Variants in DAG1 observed in about 807,000 individuals in gnomAD.
DAG1 encodes the protein dystroglycan 1 (dystrophin-associated glycoprotein 1).
Under a neutral mutation model 46.1 loss-of-function variants are expected in DAG1, and 8 were observed. That is an observed-to-expected ratio of 0.17 (90% CI 0.10 to 0.31). DAG1 has a LOEUF of 0.31. DAG1 is among the 10% of genes least tolerant of loss of function. The pLI is 1.00. For synonymous variants in DAG1, 495 were observed against 481.8 expected (o/e 1.03, Z -0.36); for missense variants, 1,003 against 1,189.9 (o/e 0.84, Z 2.31).
At chr3:49,486,519 T>A (rs2050031791) in intron 1 of DAG1, among the ~76,000 whole-genome samples, 1 of 150,030 alleles carries the variant, frequency 6.7e-6, no homozygotes, top group South Asian at 2.1e-4. Flanking sequence ...CGCCCGGCCC[T>A]TTTTCTTTTT....
intron 1 of DAG1, chr3:49,510,218 A>G (rs2050724846): frequency 2.0e-6 from 1 of 507,750 alleles, no homozygotes; most frequent in African/African-American, 1.9e-5. Flanking sequence ...AATCCAGTGT[A>G]TATTTTATAT....
Position 49,531,884 on chromosome 3 carries a change from C to G in DAG1, c.1373C>G (p.Pro458Arg). 6.2e-7 allele frequency: 1 copy of G among 1,614,164 alleles called. No homozygotes were observed. The highest frequency in any genetic ancestry group is 8.5e-7 in the Non-Finnish European group (1 of 1,180,036). The change falls in exon 3 of 3, where the codon CCA becomes CGA. Residue 458 changes from proline to arginine, a missense_variant. Around this residue, in one of 3 missense-constraint regions of DAG1, gnomAD observed 755 missense variants for 854.1 expected, o/e 0.88. Coordinates refer to ENST00000308775, the MANE Select transcript of DAG1 (RefSeq NM_004393.6). This position sits in a 1 kb window ranked among gnomAD's most constrained non-coding sequence, Gnocchi z 7.0. ...ACCAAGAAACCACGGACACCCCGGC[C>G]AGTGCCCCGGGTCACCACCAAAGTT... is the stretch of plus-strand genomic sequence containing the variant. Reference protein sequence around the residue: ...RPTKKPRTPRPVPRVTTKVSI... With the variant: ...RPTKKPRTPRRVPRVTTKVSI...
At chr3:49,471,538 GT>G (rs11456203) in intron 1 of DAG1, among the ~76,000 whole-genome samples, 9 of 151,840 alleles carry the variant, frequency 5.9e-5, no homozygotes, top group Admixed American at 4.6e-4. Flanking sequence ...ACTTTTGTGG[GT>G]TTTTTTTGCT....
intron 2 of DAG1, among the ~76,000 whole-genome samples, chr3:49,517,783 C>T (rs1019683328): frequency 1.3e-5 from 2 of 152,208 alleles, no homozygotes; most frequent in Non-Finnish European, 1.5e-5. Flanking sequence ...AGATACTTGG[C>T]ATAGGACCTG....
At position 49,532,578 on chromosome 3, in the gene DAG1, G is replaced by C. The variant is rs1252402295; in HGVS notation, c.2067G>C (p.Arg689=). ...TCGCTGAGGATGATGGAAAACCTCG[G>C]CCTGCCTTCTCCAACGCCCTAGAGC... ...RRIAEDDGKP[R]PAFSNALEPD... is the part of the protein sequence containing the mutation. The change falls in exon 3 of 3, where the codon CGG becomes CGC. Residue 689 remains arginine (R), a synonymous_variant. Coordinates refer to ENST00000308775, the MANE Select transcript of DAG1 (RefSeq NM_004393.6). This position sits in a 1 kb window ranked among gnomAD's most constrained non-coding sequence, Gnocchi z 5.4. 1 of 1,612,384 alleles carries C rather than the reference G, an allele frequency of 6.2e-7. No homozygotes were observed. The highest frequency in any genetic ancestry group is 1.1e-5 in the South Asian group (1 of 91,058).
At chr3:49,512,254 G>A (rs2050779971) in intron 2 of DAG1, among the ~76,000 whole-genome samples, 3 of 152,110 alleles carry the variant, frequency 2.0e-5, no homozygotes, top group South Asian at 4.2e-4. Context: ...CCAGGCTGGA[G>A]TGCAATGGCA....
rs141697036 is a variant in DAG1, at chr3:49,532,611, T to A, written c.2100T>A (p.Phe700Leu). Residue 700 changes from phenylalanine (F) to leucine (L), a missense_variant, in exon 3 of 3, where the codon TTT (phenylalanine) becomes TTA (leucine). By Grantham distance (22) the Phe-to-Leu change is conservative. Transcript: ENST00000308775. The surrounding 1 kb of genome is among the most constrained non-coding windows in gnomAD (Gnocchi z 5.4). ...PAFSNALEPD[F>L]KATSITVTGS... ...TCTCCAACGCCCTAGAGCCTGACTT[T>A]AAGGCCACAAGCATCACTGTGACGG... The A allele has an allele frequency of 1.2e-6, 2 of 1,612,904 alleles. No homozygotes were observed. The highest frequency in any genetic ancestry group is 2.7e-5 in the African/African-American group (2 of 74,884).
intron 1 of DAG1, among the ~76,000 whole-genome samples, chr3:49,484,122 CTT>C (rs1376381108): frequency 4.6e-5 from 7 of 152,172 alleles, no homozygotes; most frequent in African/African-American, 9.6e-5. Context: ...GTCTGACTCT[CTT>C]CTGCTTTGGG....
intron 2 of DAG1, among the ~76,000 whole-genome samples, chr3:49,515,521 G>T (rs1437100196): frequency 6.6e-6 from 1 of 151,700 alleles, no homozygotes; most frequent in African/African-American, 2.4e-5. Context: ...AAGTAACTGG[G>T]ACTATAGGTG....
At chr3:49,508,274 T>C (rs2050662936) in intron 1 of DAG1, among the ~76,000 whole-genome samples, 1 of 150,754 alleles carries the variant, frequency 6.6e-6, no homozygotes, top group Non-Finnish European at 1.5e-5. Flanking sequence ...CATTCTCAGC[T>C]CACTTCAGCC....
At chr3:49,509,472 TC>T (rs1325100464) in intron 1 of DAG1, among the ~76,000 whole-genome samples, 1 of 152,136 alleles carries the variant, frequency 6.6e-6, no homozygotes, top group Non-Finnish European at 1.5e-5. Context: ...TGTCTCTAAA[TC>T]GAGAACAGTC....
intron 1 of DAG1, among the ~76,000 whole-genome samples, chr3:49,507,617 C>T: frequency 6.6e-6 from 1 of 151,598 alleles, no homozygotes; most frequent in South Asian, 2.1e-4. Flanking sequence ...TAATATTTTT[C>T]TTTTCTTTTT....
chr3:49,502,267 A>G (rs963995792), intron 1 of DAG1, among the ~76,000 whole-genome samples: 1 of 152,254 alleles, frequency 6.6e-6, no homozygotes, highest in South Asian at 2.1e-4. Context: ...CTGGTTGTTG[A>G]GAAGGAGTTC....
At chr3:49,521,520 C>T (rs575001503) in intron 2 of DAG1, among the ~76,000 whole-genome samples, 3 of 152,200 alleles carry the variant, frequency 2.0e-5, no homozygotes, top group Non-Finnish European at 2.9e-5. Flanking sequence ...GGTGCGGTGG[C>T]GCAATCATAG....
chr3:49,488,395 T>G (rs1271767347), intron 1 of DAG1, among the ~76,000 whole-genome samples: 1 of 152,228 alleles, frequency 6.6e-6, no homozygotes, highest in Admixed American at 6.5e-5. Flanking sequence ...ACATATCCTT[T>G]GACCCAGCAA....
chr3:49,531,723 G>C lies in DAG1; in HGVS notation c.1212G>C (p.Thr404=), dbSNP rs139781017. The C allele has an allele frequency of 6.2e-7, 1 of 1,613,960 alleles. No homozygotes were observed. The highest frequency in any genetic ancestry group is 8.5e-7 in the Non-Finnish European group (1 of 1,179,968). Residue 404 remains threonine, a synonymous_variant, in exon 3 of 3, where the codon ACG becomes ACC. Transcript: ENST00000308775. This position sits in a 1 kb window ranked among gnomAD's most constrained non-coding sequence, Gnocchi z 7.0. ...CAGTTCCTGGCCAGATTCGCCCAAC[G>C]ATGACCATTCCTGGCTATGTGGAGC... The part of the protein sequence containing the change: ...GTTVPGQIRP[T]MTIPGYVEPT...
In DAG1 at chr3:49,534,351, C is replaced by T. The variant is rs2051452105; in HGVS notation, c.*1152C>T. On this transcript the variant is annotated 3_prime_UTR_variant, in exon 3 of 3. Coordinates refer to ENST00000308775, the MANE Select transcript of DAG1 (RefSeq NM_004393.6). The stretch of plus-strand genomic sequence containing the variant: ...ACAGTCCTGCCCCGACCCACCCCAT[C>T]CCTTTTCTCTGGCACTCCAGTCCCA... 6.6e-6 allele frequency: 1 copy of T among 152,590 alleles called. No homozygotes were observed. Among genetic ancestry groups the T allele is most frequent in the African/African-American group, 2.4e-5 (1 of 41,450 alleles). The allele number at this position is 152,590 out of a possible 1,614,324, so 9.5% of individuals were successfully genotyped here. A position where few individuals can be genotyped will look rare whatever the true frequency, so the allele number is the denominator to read the frequency against.
In DAG1 at chr3:49,532,971, G is replaced by A; in HGVS notation, c.2460G>A (p.Gln820=). The A allele has an allele frequency of 6.2e-7, 1 of 1,614,122 alleles. No homozygotes were observed. The highest frequency in any genetic ancestry group is 8.5e-7 in the Non-Finnish European group (1 of 1,180,018). ...PPSSSMPLIL[Q]EEKAPLPPPE... ...CCTCCAGCATGCCACTCATTCTGCA[G>A]GAGGAGAAGGCTCCCCTACCCCCTC... Residue 820 remains glutamine (Q), a synonymous_variant, in exon 3 of 3, where the codon CAG becomes CAA. Coordinates refer to ENST00000308775, the MANE Select transcript of DAG1 (RefSeq NM_004393.6). The surrounding 1 kb of genome is among the most constrained non-coding windows in gnomAD (Gnocchi z 5.4).
At chr3:49,485,657 C>CTTTTTTTTTTTTTTT (rs749730213) in intron 1 of DAG1, among the ~76,000 whole-genome samples, 1 of 82,110 alleles carries the variant, frequency 1.2e-5, no homozygotes. Context: ...TGTTTTCTTT[C>CTTTTTTTTTTTTTTT]TTTTTTTTTT....
Sources: gnomAD v4.1 joint callset for allele counts (sites outside exome capture counted in the v4.1 genomes callset) on GRCh38, gnomAD v4.1.1 for gene constraint, gnomAD v4.1.1 regional missense constraint, Gnocchi (gnomAD v3.1) non-coding constraint, MANE v1.5 for transcripts, NCBI Gene and HGNC (gene_info 2026-07-23, HGNC 2026-07-21) for gene names.